Variants in UBE2W observed in about 807,000 individuals in gnomAD.
UBE2W encodes the protein ubiquitin-conjugating enzyme E2 W.
UBE2W carries 18 observed loss-of-function variants against 27.2 expected under a neutral mutation model. The ratio of observed to expected loss-of-function variants is 0.66; its 90% confidence interval spans 0.46 to 0.98. The LOEUF is 0.98. Ranked by LOEUF, UBE2W falls within the 50% of genes least tolerant of loss-of-function variation. The pLI is 0.00. For synonymous variants in UBE2W, 53 were observed against 57.2 expected (o/e 0.93, Z 0.33); for missense variants, 90 against 180.2 (o/e 0.50, Z 2.87).
intron 5 of UBE2W, among the ~76,000 whole-genome samples, chr8:73,801,662 T>C (rs1042907021): frequency 6.6e-6 from 1 of 152,208 alleles, no homozygotes; most frequent in Non-Finnish European, 1.5e-5. Context: ...AAGGAGTTTC[T>C]GACACTCAAG....
At chr8:73,878,143 CG>C (rs1812314151) in intron 1 of UBE2W, among the ~76,000 whole-genome samples, 1 of 152,078 alleles carries the variant, frequency 6.6e-6, no homozygotes, top group African/African-American at 2.4e-5. Context: ...GCGGTGGACA[CG>C]GGGCAGCTTC....
In UBE2W at chr8:73,787,123, G is replaced by T; in HGVS notation, c.*6979C>A. On this transcript the variant is annotated 3_prime_UTR_variant, in exon 6 of 6. Transcript: ENST00000602593. ...GTAGGGATTCCCACTTATGTATTTT[G>T]CATTATGCAGGCAAACATTAAAAAT... 1.0e-6 allele frequency: 1 copy of T among 985,352 alleles called. No homozygotes were observed. The highest frequency in any genetic ancestry group is 1.2e-6 in the Non-Finnish European group (1 of 829,926). 61.0% of individuals were successfully genotyped at this position (985,352 alleles called of 1,614,324 possible). A position where few individuals can be genotyped will look rare whatever the true frequency, so the allele number is the denominator to read the frequency against.
intron 1 of UBE2W, among the ~76,000 whole-genome samples, chr8:73,843,175 A>C (rs1586509253): frequency 6.6e-6 from 1 of 152,226 alleles, no homozygotes; most frequent in East Asian, 1.9e-4. Context: ...GGCTGGGGAA[A>C]GGAGAATGGA....
chr8:73,851,207 T>C (rs1457100831), intron 1 of UBE2W, among the ~76,000 whole-genome samples: 4 of 151,404 alleles, frequency 2.6e-5, no homozygotes, highest in Non-Finnish European at 5.9e-5. Flanking sequence ...TTTTTTTTTT[T>C]GACACTCTTA....
intron 3 of UBE2W, among the ~76,000 whole-genome samples, chr8:73,813,109 A>AAAAAAAAAAG (rs1554580723): frequency 1.4e-5 from 2 of 143,062 alleles, no homozygotes; most frequent in African/African-American, 5.3e-5. Context: ...AAAAAAAAAA[A>AAAAAAAAAAG]GAACAACTGC....
At chr8:73,785,856 G>A (rs939929518), downstream of UBE2W, among the ~76,000 whole-genome samples, 6 of 152,236 alleles carry the variant, frequency 3.9e-5, no homozygotes, top group African/African-American at 1.4e-4. Context: ...ACAGGCGTAA[G>A]CCACTGTGCC....
intron 1 of UBE2W, among the ~76,000 whole-genome samples, chr8:73,877,640 C>T (rs1172640076): frequency 6.6e-6 from 1 of 152,108 alleles, no homozygotes; most frequent in Non-Finnish European, 1.5e-5. Flanking sequence ...GCAAAAAACA[C>T]TTCTAAGAAA....
intron 5 of UBE2W, among the ~76,000 whole-genome samples, chr8:73,797,277 C>T (rs192033973): frequency 2.8e-4 from 42 of 152,090 alleles, no homozygotes; most frequent in Admixed American, 4.6e-4. Context: ...TGGATATCCC[C>T]AGGGACAGAA....
At chr8:73,820,775 ACAAAC>A (rs1273354105) in intron 3 of UBE2W, among the ~76,000 whole-genome samples, 4 of 151,468 alleles carry the variant, frequency 2.6e-5, no homozygotes, top group African/African-American at 9.7e-5. Context: ...AAACAAACAA[ACAAAC>A]AAAAAAACAA....
At chr8:73,849,512 CAAAAA>C (rs71269951) in intron 1 of UBE2W, among the ~76,000 whole-genome samples, 7 of 22,760 alleles carry the variant, frequency 3.1e-4, no homozygotes, top group South Asian at 4.6e-3. Flanking sequence ...AACTCCATCT[CAAAAA>C]AAAAAAAAAA....
chr8:73,794,231 C>A, intron 5 of UBE2W, 116 bp from the exon 6 acceptor site: 29 of 1,259,456 alleles, frequency 2.3e-5, no homozygotes, highest in Non-Finnish European at 3.1e-5. Flanking sequence ...GTTTACATGT[C>A]TGATCTGCCT....
At chr8:73,871,871 T>C (rs1358034870) in intron 1 of UBE2W, among the ~76,000 whole-genome samples, 1 of 152,082 alleles carries the variant, frequency 6.6e-6, no homozygotes, top group East Asian at 1.9e-4. Flanking sequence ...CACGCTGGAG[T>C]GCAGCGGCAC....
At chr8:73,838,831 G>C (rs1172061114) in intron 1 of UBE2W, among the ~76,000 whole-genome samples, 2 of 152,170 alleles carry the variant, frequency 1.3e-5, no homozygotes, top group Non-Finnish European at 2.9e-5. Flanking sequence ...TGTTTGCACA[G>C]GACTGTAACC....
chr8:73,815,570 G>A (rs868396573), intron 3 of UBE2W, among the ~76,000 whole-genome samples: 8 of 152,210 alleles, frequency 5.3e-5, no homozygotes, highest in Middle Eastern at 6.8e-3. Flanking sequence ...AATAAAGGAT[G>A]GGTATCAGGT....
At chr8:73,799,135 A>C (rs1808538039) in intron 5 of UBE2W, among the ~76,000 whole-genome samples, 1 of 152,202 alleles carries the variant, frequency 6.6e-6, no homozygotes, top group African/African-American at 2.4e-5. Flanking sequence ...AGAAATGTGC[A>C]GTCACTATCA....
At position 73,790,597 on chromosome 8, in the gene UBE2W, A is replaced by G. The variant is rs1370471772; in HGVS notation, c.*3505T>C. On this transcript the variant is annotated 3_prime_UTR_variant, in exon 6 of 6. Transcript: ENST00000602593. The stretch of plus-strand genomic sequence containing the variant: ...TCAAGAAATATAAGCAGCAGTAACC[A>G]TAAAGGCTTAGAACTAGTGACACTG... The G allele has an allele frequency of 3.0e-6, 3 of 985,036 alleles. No homozygotes were observed. The African/African-American group carries it at 5.2e-5, about 17-fold the overall frequency. 61.0% of individuals were successfully genotyped at this position (985,036 alleles called of 1,614,324 possible).
At chr8:73,827,024 T>A (rs1809867509) in intron 2 of UBE2W, among the ~76,000 whole-genome samples, 1 of 152,212 alleles carries the variant, frequency 6.6e-6, no homozygotes, top group Non-Finnish European at 1.5e-5. Context: ...GGAAAAACGG[T>A]GGTCTTTCAT....
intron 5 of UBE2W, among the ~76,000 whole-genome samples, chr8:73,797,458 A>T (rs1364354646): frequency 1.3e-5 from 2 of 152,246 alleles, no homozygotes; most frequent in Non-Finnish European, 2.9e-5. Flanking sequence ...AAGACTTGTT[A>T]ATCAGCAGGA....
chr8:73,837,166 A>G (rs1270953534), intron 1 of UBE2W, among the ~76,000 whole-genome samples: 2 of 152,226 alleles, frequency 1.3e-5, no homozygotes, highest in Non-Finnish European at 2.9e-5. Context: ...CACACCTTCA[A>G]TAACACATAT....
Sources: allele counts gnomAD v4.1 joint callset (sites outside exome capture counted in the v4.1 genomes callset), GRCh38; gene constraint gnomAD v4.1.1; transcripts MANE v1.5; gene names NCBI Gene and HGNC (gene_info 2026-07-23, HGNC 2026-07-21).